The following DSCAM variants were observed in gnomAD, a reference collection of about 807,000 sequenced individuals.
The protein encoded by DSCAM is cell adhesion molecule DSCAM.
DSCAM carries 47 observed loss-of-function variants against 217.7 expected under a neutral mutation model. The observed-to-expected ratio is 0.22, with a 90% CI of 0.17 to 0.28. The LOEUF is 0.28. Ranked by LOEUF, DSCAM falls within the 10% of genes least tolerant of loss-of-function variation. The pLI is 1.00. For missense variants in DSCAM, 2,080 were observed against 2,618.3 expected (o/e 0.79, Z 4.49); for synonymous variants, 1,056 against 1,015.3 (o/e 1.04, Z -0.76).
chr21:40,343,792 A>T (rs180938944), intron 6 of DSCAM, among the ~76,000 whole-genome samples: 1 of 150,002 alleles, frequency 6.7e-6, no homozygotes, highest in Non-Finnish European at 1.5e-5. Flanking sequence ...TACATCTATT[A>T]TATTTACTCT....
chr21:40,637,524 T>A lies in DSCAM; in HGVS notation c.508+55286A>T, dbSNP rs866459440. On this transcript the variant is annotated intron_variant, in intron 3 of 32. Transcript: ENST00000400454. ...ATATATATAAATATATAAATATATA[T>A]AAATATATACATATATACATATATA... Among the ~76,000 whole-genome samples, 92 of 92,604 alleles carry A rather than the reference T, an allele frequency of 9.9e-4. 23 individuals are homozygous for A. The East Asian group carries it at 0.024, about 24-fold the overall frequency. The allele number at this position is 92,604 out of a possible 152,430, so 60.8% of individuals were successfully genotyped here.
At chr21:40,031,991 C>T (rs1374688102) in intron 32 of DSCAM, among the ~76,000 whole-genome samples, 2 of 152,220 alleles carry the variant, frequency 1.3e-5, no homozygotes. Flanking sequence ...CAGCCTTCAA[C>T]TTTCTGGCCT....
chr21:40,605,506 T>A (rs185523432), intron 3 of DSCAM, among the ~76,000 whole-genome samples: 19 of 152,334 alleles, frequency 1.2e-4, no homozygotes, highest in African/African-American at 4.3e-4. Context: ...CTTTGAGAGA[T>A]ACAGAGTCTC....
chr21:40,459,042 A>G lies in DSCAM; in HGVS notation c.509-89797T>C, dbSNP rs528808747. The stretch of plus-strand genomic sequence containing the variant: ...AAATAACAAGAAAGGATGAAAATAA[A>G]TGACATAAGCATCCAACTAAAAGAA... On this transcript the variant is annotated intron_variant, in intron 3 of 32. Transcript: ENST00000400454. 7.7e-4 allele frequency among the ~76,000 whole-genome samples: 118 copies of G among 152,274 alleles called. 1 individual carries two copies. Among genetic ancestry groups the G allele is most frequent in the African/African-American group, 2.7e-3 (114 of 41,584 alleles).
intron 15 of DSCAM, among the ~76,000 whole-genome samples, chr21:40,175,986 C>A (rs2146794859): frequency 1.3e-5 from 2 of 151,782 alleles, no homozygotes; most frequent in Admixed American, 1.3e-4. Flanking sequence ...GGGGCCACAG[C>A]CCCTCCACAT....
Position 40,419,425 on chromosome 21 carries a change from A to T in DSCAM, c.509-50180T>A, listed in dbSNP as rs550934603. Among the ~76,000 whole-genome samples the T allele has an allele frequency of 5.3e-4, 80 of 152,336 alleles. 1 individual carries two copies. The highest frequency in any genetic ancestry group is 1.8e-3 in the African/African-American group (76 of 41,588). ...AGAATTTTGAAATATAGGGGTAAAG[A>T]AAGTTTTCTAACTGTGCAGGCTGGT... On this transcript the variant is annotated intron_variant, in intron 3 of 32. Coordinates refer to ENST00000400454, the MANE Select transcript of DSCAM (RefSeq NM_001389.5).
chr21:40,588,839 G>A (rs1000706199), intron 3 of DSCAM, among the ~76,000 whole-genome samples: 4 of 152,050 alleles, frequency 2.6e-5, no homozygotes, highest in African/African-American at 7.2e-5. Context: ...TGTTGACAGA[G>A]GAAGAAAAAG....
At chr21:40,247,286 A>G (rs893946766) in intron 11 of DSCAM, among the ~76,000 whole-genome samples, 7 of 152,148 alleles carry the variant, frequency 4.6e-5, no homozygotes, top group African/African-American at 1.7e-4. Context: ...TGCCTTCCCA[A>G]CAGTCCCCCA....
intron 3 of DSCAM, among the ~76,000 whole-genome samples, chr21:40,466,143 A>G (rs188579001): frequency 4.7e-4 from 72 of 152,330 alleles, no homozygotes; most frequent in African/African-American, 1.7e-3. Context: ...CTTATGAACA[A>G]CTAAGGAGTT....
At chr21:40,389,061 C>T (rs2075111496) in intron 3 of DSCAM, among the ~76,000 whole-genome samples, 1 of 152,146 alleles carries the variant, frequency 6.6e-6, no homozygotes, top group Non-Finnish European at 1.5e-5. Context: ...GTAGGATATT[C>T]CTGCATAAAA....
intron 8 of DSCAM, among the ~76,000 whole-genome samples, chr21:40,337,196 G>A (rs2074437611): frequency 2.0e-5 from 3 of 152,080 alleles, no homozygotes; most frequent in Non-Finnish European, 2.9e-5. Flanking sequence ...GGAAACCTAT[G>A]CAACTTTGTA....
At chr21:40,375,042 C>A (rs911912080) in intron 3 of DSCAM, among the ~76,000 whole-genome samples, 1 of 152,116 alleles carries the variant, frequency 6.6e-6, no homozygotes, top group African/African-American at 2.4e-5. Flanking sequence ...GTTACTTGAA[C>A]AATTCTCCCT....
At chr21:40,309,798 C>T (rs539395697) in intron 9 of DSCAM, among the ~76,000 whole-genome samples, 1 of 152,226 alleles carries the variant, frequency 6.6e-6, no homozygotes, top group Non-Finnish European at 1.5e-5. Context: ...CACCTTCATC[C>T]AAGGCATTTT....
chr21:40,624,603 AAAG>A (rs1369336996), intron 3 of DSCAM, among the ~76,000 whole-genome samples: 2 of 152,222 alleles, frequency 1.3e-5, no homozygotes, highest in African/African-American at 4.8e-5. Flanking sequence ...CTCCCAAAGA[AAAG>A]AAGGAAGGCT....
intron 3 of DSCAM, among the ~76,000 whole-genome samples, chr21:40,400,010 C>T (rs886304734): frequency 7.9e-5 from 12 of 152,060 alleles, no homozygotes; most frequent in African/African-American, 2.9e-4. Context: ...TAACAGAATC[C>T]TAGAGGAAAA....
intron 15 of DSCAM, among the ~76,000 whole-genome samples, chr21:40,170,002 T>C (rs2090638132): frequency 6.6e-6 from 1 of 152,190 alleles, no homozygotes; most frequent in Non-Finnish European, 1.5e-5. Flanking sequence ...AAAAGGGACA[T>C]GGCCCCAGAG....
chr21:40,118,650 T>C (rs2089999827), intron 20 of DSCAM, among the ~76,000 whole-genome samples: 1 of 152,216 alleles, frequency 6.6e-6, no homozygotes, highest in Non-Finnish European at 1.5e-5. Context: ...ACTTTGCTCA[T>C]TTATTTCCTC....
At chr21:40,598,871 GT>G (rs1312943162) in intron 3 of DSCAM, among the ~76,000 whole-genome samples, 1 of 152,112 alleles carries the variant, frequency 6.6e-6, no homozygotes, top group Non-Finnish European at 1.5e-5. Context: ...GATATTGTAA[GT>G]TTTTTGAATT....
At chr21:40,241,471 A>G (rs942024612) in intron 11 of DSCAM, among the ~76,000 whole-genome samples, 3 of 152,248 alleles carry the variant, frequency 2.0e-5, no homozygotes, top group African/African-American at 7.2e-5. Context: ...AGCTATTATT[A>G]AAAAGTCTAA....
Sources: allele counts gnomAD v4.1 joint callset (sites outside exome capture counted in the v4.1 genomes callset), GRCh38; gene constraint gnomAD v4.1.1; transcripts MANE v1.5; gene names NCBI Gene and HGNC (gene_info 2026-07-23, HGNC 2026-07-21).